FRMD4B: variants seen among roughly 807,000 people sequenced by gnomAD.
FRMD4B encodes the protein FERM domain-containing protein 4B.
A neutral mutation model predicts 141.5 loss-of-function variants in FRMD4B; 74 were observed. The observed-to-expected ratio is 0.52, with a 90% CI of 0.43 to 0.63. The LOEUF is 0.63. Among genes scored for constraint, FRMD4B ranks in the 30% least tolerant of loss-of-function variants. The pLI is 0.00. For missense variants in FRMD4B, 1,366 were observed against 1,253.4 expected, an observed-to-expected ratio of 1.09 and a Z score of -1.36; for synonymous variants, 506 against 467.9, an observed-to-expected ratio of 1.08 and a Z score of -1.05.
intron 1 of FRMD4B, among the ~76,000 whole-genome samples, chr3:69,501,424 CT>C (rs1706496157): frequency 1.3e-5 from 2 of 152,160 alleles, no homozygotes; most frequent in South Asian, 4.2e-4. Flanking sequence ...GATTCTGTAG[CT>C]CAGCTTCTTC....
intron 5 of FRMD4B, among the ~76,000 whole-genome samples, chr3:69,252,554 C>T (rs1039882532): frequency 6.6e-6 from 1 of 152,158 alleles, no homozygotes; most frequent in Non-Finnish European, 1.5e-5. Context: ...ATTTTGAGTC[C>T]TAATACTGAC....
At chr3:69,504,044 A>G (rs1706550435) in intron 1 of FRMD4B, among the ~76,000 whole-genome samples, 1 of 152,252 alleles carries the variant, frequency 6.6e-6, no homozygotes, top group Non-Finnish European at 1.5e-5. Flanking sequence ...AAAATTGTCC[A>G]TACTCCTACA....
intron 7 of FRMD4B, among the ~76,000 whole-genome samples, chr3:69,243,994 A>C (rs2093406705): frequency 6.6e-6 from 1 of 152,078 alleles, no homozygotes; most frequent in African/African-American, 2.4e-5. Flanking sequence ...TGCTGTGAGC[A>C]ACCTCACACC....
chr3:69,343,692 G>C (rs540207003), intron 1 of FRMD4B, among the ~76,000 whole-genome samples: 13 of 149,214 alleles, frequency 8.7e-5, no homozygotes, highest in African/African-American at 3.0e-4. Flanking sequence ...TGATTCCCCT[G>C]CCTCAGCCTC....
chr3:69,310,263 C>T (rs914341096), intron 3 of FRMD4B, among the ~76,000 whole-genome samples: 3 of 152,154 alleles, frequency 2.0e-5, no homozygotes, highest in African/African-American at 7.2e-5. Context: ...TGGGAATAAT[C>T]AGAAGCCACA....
At chr3:69,471,690 C>A in intron 1 of FRMD4B, 1 of 170,410 alleles carries the variant, frequency 5.9e-6, no homozygotes, top group South Asian at 1.5e-4. Flanking sequence ...TCAATGAGCT[C>A]TGTTACATGT....
chr3:69,240,821 C>T (rs759695774), intron 7 of FRMD4B, among the ~76,000 whole-genome samples: 9 of 152,318 alleles, frequency 5.9e-5, no homozygotes, highest in South Asian at 4.1e-4. Context: ...TGCTTATCAG[C>T]GGGGGAATGT....
chr3:69,181,894 T>C (rs1174946446), intron 20 of FRMD4B, among the ~76,000 whole-genome samples, 184 bp from the exon 21 acceptor site: 1 of 152,196 alleles, frequency 6.6e-6, no homozygotes, highest in Non-Finnish European at 1.5e-5. Context: ...TGTAGGTTCA[T>C]TTTGACCATG....
At chr3:69,407,862 G>A (rs1039227528) in intron 2 of FRMD4B, among the ~76,000 whole-genome samples, 3 of 152,110 alleles carry the variant, frequency 2.0e-5, no homozygotes, top group Middle Eastern at 3.2e-3. Context: ...CAAATATTAG[G>A]CATTTGATTT....
At chr3:69,180,394 G>T (rs1220161071) in intron 21 of FRMD4B, among the ~76,000 whole-genome samples, 3 of 152,052 alleles carry the variant, frequency 2.0e-5, no homozygotes, top group Non-Finnish European at 4.4e-5. Flanking sequence ...GTCCTTAGAT[G>T]ATCAATCTTG....
At chr3:69,199,991 G>A (rs1444727061) in intron 11 of FRMD4B, among the ~76,000 whole-genome samples, 8 of 7,696 alleles carry the variant, frequency 1.0e-3, no homozygotes, top group African/African-American at 1.1e-3. Flanking sequence ...TAACAGCAGA[G>A]AGTTTCATTA....
At chr3:69,358,391 G>T (rs978641971) in intron 1 of FRMD4B, among the ~76,000 whole-genome samples, 2 of 152,104 alleles carry the variant, frequency 1.3e-5, no homozygotes, top group African/African-American at 4.8e-5. Flanking sequence ...TGGTTTGAAT[G>T]TCCCCACTAA....
At chr3:69,400,608 A>G (rs748905249) in intron 2 of FRMD4B, among the ~76,000 whole-genome samples, 31 of 152,166 alleles carry the variant, frequency 2.0e-4, no homozygotes, top group Non-Finnish European at 3.8e-4. Flanking sequence ...GCAATCCAAG[A>G]AGGCTTTGGT....
chr3:69,317,850 C>T (rs1361523368), intron 1 of FRMD4B, among the ~76,000 whole-genome samples: 1 of 151,052 alleles, frequency 6.6e-6, no homozygotes, highest in Non-Finnish European at 1.5e-5. Flanking sequence ...CTAATGTTTT[C>T]CAGTCACTTA....
intron 3 of FRMD4B, among the ~76,000 whole-genome samples, chr3:69,303,847 T>A (rs1184432672): frequency 6.6e-6 from 1 of 152,070 alleles, no homozygotes; most frequent in African/African-American, 2.4e-5. Flanking sequence ...AGTGGGAGGA[T>A]CACTTGGGCC....
chr3:69,195,951 C>T (rs77444823), intron 14 of FRMD4B, among the ~76,000 whole-genome samples: 7,087 of 152,180 alleles, frequency 0.047, 505 homozygotes, highest in East Asian at 0.28. Flanking sequence ...AGACAATTAT[C>T]TGTATCAAAA....
intron 2 of FRMD4B, among the ~76,000 whole-genome samples, chr3:69,431,857 C>T (rs1448294570): frequency 1.3e-5 from 2 of 152,214 alleles, no homozygotes; most frequent in Admixed American, 1.3e-4. Flanking sequence ...GCACATTTTA[C>T]TCACGTGCAG....
At chr3:69,489,123 T>C (rs1280658158) in intron 1 of FRMD4B, among the ~76,000 whole-genome samples, 1 of 151,540 alleles carries the variant, frequency 6.6e-6, no homozygotes, top group Non-Finnish European at 1.5e-5. Context: ...GGGAGAAATA[T>C]TTGCAAATCA....
intron 2 of FRMD4B, among the ~76,000 whole-genome samples, chr3:69,417,485 T>C (rs1180347210): frequency 6.6e-6 from 1 of 152,218 alleles, no homozygotes; most frequent in Non-Finnish European, 1.5e-5. Flanking sequence ...TTTTCTCCCA[T>C]TCTGTAGGTT....
Sources: allele counts gnomAD v4.1 joint callset (sites outside exome capture counted in the v4.1 genomes callset), GRCh38; gene constraint gnomAD v4.1.1; transcripts MANE v1.5; gene names NCBI Gene and HGNC (gene_info 2026-07-23, HGNC 2026-07-21).